DACH1: variants seen among roughly 807,000 people sequenced by gnomAD.
The protein encoded by DACH1 is dachshund homolog 1.
Under a neutral mutation model 54.2 loss-of-function variants are expected in DACH1, and 12 were observed. The ratio of observed to expected loss-of-function variants is 0.22; its 90% CI spans 0.14 to 0.36. DACH1 has a LOEUF of 0.36. Among genes scored for constraint, DACH1 ranks in the 10% least tolerant of loss-of-function variants. The pLI is 1.00. For missense variants in DACH1, 805 were observed against 929.8 expected (o/e 0.87, Z 1.75); for synonymous variants, 386 against 366.2 (o/e 1.05, Z -0.62).
chr13:71,608,614 A>G (rs1875066015), intron 3 of DACH1, among the ~76,000 whole-genome samples: 1 of 152,092 alleles, frequency 6.6e-6, no homozygotes, highest in Non-Finnish European at 1.5e-5. Context: ...ACTTATATCA[A>G]CAGTGAATAA....
intron 1 of DACH1, among the ~76,000 whole-genome samples, chr13:71,695,045 G>A (rs964102428): frequency 1.3e-5 from 2 of 152,118 alleles, no homozygotes; most frequent in Non-Finnish European, 2.9e-5. Flanking sequence ...ATAGTTTCTT[G>A]ATTAAACCTG....
intron 2 of DACH1, among the ~76,000 whole-genome samples, chr13:71,669,942 A>G (rs1324358644): frequency 6.6e-6 from 1 of 151,770 alleles, no homozygotes; most frequent in African/African-American, 2.4e-5. Context: ...AACTCACAAT[A>G]CCATTTTGTT....
At chr13:71,646,416 TTTC>T (rs576683236) in intron 2 of DACH1, among the ~76,000 whole-genome samples, 122 of 152,276 alleles carry the variant, frequency 8.0e-4, no homozygotes, top group Middle Eastern at 6.8e-3. Flanking sequence ...AGCAAATTGT[TTTC>T]TTCAGCCACT....
chr13:71,535,925 CT>C (rs1291238368), intron 6 of DACH1, among the ~76,000 whole-genome samples: 2 of 151,868 alleles, frequency 1.3e-5, no homozygotes, highest in Non-Finnish European at 2.9e-5. Flanking sequence ...ATAATAATGA[CT>C]GAAAATTTCC....
intron 1 of DACH1, among the ~76,000 whole-genome samples, chr13:71,864,175 G>GCACACACACACACA (rs1207375809): frequency 3.1e-5 from 3 of 96,990 alleles, no homozygotes; most frequent in African/African-American, 1.7e-4. Flanking sequence ...GCGCGCGCGC[G>GCACACACACACACA]CACATACACA....
At position 71,557,143 on chromosome 13, in the gene DACH1, C is replaced by G. The variant is rs777173650; in HGVS notation, c.1451G>C (p.Gly484Ala). 6.2e-7 allele frequency: 1 copy of G among 1,607,562 alleles called. No individual in the cohort carries two copies. Among genetic ancestry groups the G allele is most frequent in the Non-Finnish European group, 8.5e-7 (1 of 1,177,684 alleles). ...SSDRIPVHQNGLSMNQMLMGL... is the reference protein window; with the variant it reads ...SSDRIPVHQNALSMNQMLMGL... ...CATCAGCATCTGGTTCATGGACAAC[C>G]CATTCTGATGGACCGCTATTATGGC... The change falls in exon 6 of 11, where the codon GGG (glycine) becomes GCG (alanine). Residue 484 changes from glycine (G) to alanine (A), a missense_variant. This residue lies in a region of DACH1 where 472 missense variants were observed against 545.3 expected (regional missense o/e 0.87). Coordinates refer to ENST00000613252, the MANE Select transcript of DACH1 (RefSeq NM_080759.6).
Position 71,828,737 on chromosome 13 carries a change from T to C in DACH1, c.848+37185A>G, listed in dbSNP as rs75565560. On this transcript the variant is annotated intron_variant, in intron 1 of 10. Coordinates refer to ENST00000613252, the MANE Select transcript of DACH1 (RefSeq NM_080759.6). ...GGTGCCTCTGTGGTTTGATCTTTCC[T>C]TTTAGCCTGCTGGTTCCCATCTTTG... Among the ~76,000 whole-genome samples the C allele has an allele frequency of 7.9e-3, 1,201 of 152,050 alleles. 9 individuals carry two copies. Among genetic ancestry groups the C allele is most frequent in the African/African-American group, 0.027 (1,129 of 41,520 alleles).
chr13:71,522,595 C>A (rs966973775), intron 6 of DACH1, among the ~76,000 whole-genome samples: 1 of 151,982 alleles, frequency 6.6e-6, no homozygotes, highest in Non-Finnish European at 1.5e-5. Context: ...TTATAACTCA[C>A]CAAATACAAC....
At position 71,445,562 on chromosome 13, in the gene DACH1, A is replaced by C. The variant is rs146741081; in HGVS notation, c.2084-4870T>G. The stretch of plus-strand genomic sequence containing the variant: ...TATGATTAAATAATTATTAAACATC[A>C]GAGATCCTCTACTTCAGAATCCACC... On this transcript the variant is annotated intron_variant, in intron 10 of 10. Coordinates refer to ENST00000613252, the MANE Select transcript of DACH1 (RefSeq NM_080759.6). Among the ~76,000 whole-genome samples, 1,507 of 152,326 alleles carry C rather than the reference A, an allele frequency of 9.9e-3. 15 individuals carry two copies. Among genetic ancestry groups the C allele is most frequent in the Middle Eastern group, 0.031 (9 of 294 alleles).
intron 1 of DACH1, among the ~76,000 whole-genome samples, chr13:71,777,223 C>G (rs1419066801): frequency 6.8e-6 from 1 of 147,024 alleles, no homozygotes; most frequent in Non-Finnish European, 1.5e-5. Context: ...AGACAGGAAA[C>G]ATTTCCACCT....
intron 6 of DACH1, among the ~76,000 whole-genome samples, chr13:71,495,513 A>C (rs1879334477): frequency 6.6e-6 from 1 of 152,156 alleles, no homozygotes; most frequent in African/African-American, 2.4e-5. Context: ...TGCCTAAAAA[A>C]TTTTGAAAAT....
intron 1 of DACH1, among the ~76,000 whole-genome samples, chr13:71,718,554 T>A (rs569413644): frequency 6.4e-5 from 9 of 140,754 alleles, no homozygotes; most frequent in Non-Finnish European, 9.1e-5. Flanking sequence ...CCATCCCGGA[T>A]GACAGAGCAA....
chr13:71,729,401 C>T (rs374039282), intron 1 of DACH1, among the ~76,000 whole-genome samples: 22 of 151,906 alleles, frequency 1.4e-4, no homozygotes, highest in African/African-American at 4.6e-4. Context: ...CATAAAAGGA[C>T]ACCACTCCTC....
intron 3 of DACH1, among the ~76,000 whole-genome samples, chr13:71,624,712 A>C (rs1208717022): frequency 1.3e-5 from 2 of 151,984 alleles, no homozygotes; most frequent in African/African-American, 2.4e-5. Context: ...TTTTTAGAGC[A>C]AGCTTGCTTT....
Position 71,657,885 on chromosome 13 carries a change from G to C in DACH1, c.964+23910C>G, listed in dbSNP as rs147204754. The stretch of plus-strand genomic sequence containing the variant: ...TGCCTCCCGGAGTGCTGGGATTACG[G>C]GTGTGAGCCACCGTGTCCCTGAATT... On this transcript the variant is annotated intron_variant, in intron 2 of 10. Coordinates refer to ENST00000613252, the MANE Select transcript of DACH1 (RefSeq NM_080759.6). 2.7e-3 allele frequency among the ~76,000 whole-genome samples: 413 copies of C among 152,072 alleles called. 4 individuals are homozygous for C. Among genetic ancestry groups the C allele is most frequent in the African/African-American group, 9.6e-3 (400 of 41,458 alleles).
intron 6 of DACH1, among the ~76,000 whole-genome samples, chr13:71,549,690 A>G (rs1293956353): frequency 6.6e-6 from 1 of 152,082 alleles, no homozygotes; most frequent in Non-Finnish European, 1.5e-5. Context: ...TGTATGATAA[A>G]TTCCTGGGAA....
At chr13:71,621,034 A>AT (rs111351321) in intron 3 of DACH1, among the ~76,000 whole-genome samples, 22,010 of 151,810 alleles carry the variant, frequency 0.14, 3,690 homozygotes, top group African/African-American at 0.4. Flanking sequence ...TTTTCTTATA[A>AT]TTTTTAAACT....
chr13:71,749,423 GA>G (rs1012604880), intron 1 of DACH1, among the ~76,000 whole-genome samples: 12 of 151,854 alleles, frequency 7.9e-5, no homozygotes, highest in East Asian at 1.9e-4. Context: ...GATTTTTTTT[GA>G]GGGGGGGGCA....
intron 1 of DACH1, among the ~76,000 whole-genome samples, chr13:71,695,027 G>GA (rs889488372): frequency 4.6e-5 from 7 of 151,648 alleles, no homozygotes; most frequent in East Asian, 1.9e-4. Context: ...ATTTCAAATT[G>GA]AAAAAAAATA....
Sources: gnomAD v4.1 joint callset for allele counts (sites outside exome capture counted in the v4.1 genomes callset) on GRCh38, gnomAD v4.1.1 for gene constraint, gnomAD v4.1.1 regional missense constraint, MANE v1.5 for transcripts, NCBI Gene and HGNC (gene_info 2026-07-23, HGNC 2026-07-21) for gene names.